Variants in NSD2 observed in about 807,000 individuals in gnomAD.
NSD2 encodes nuclear receptor binding SET domain protein 2.
In NSD2, 12 loss-of-function variants were observed where a neutral mutation model predicts 139.0. The ratio of observed to expected loss-of-function variants is 0.09; its 90% CI spans 0.06 to 0.14. The LOEUF is 0.14. Ranked by LOEUF, NSD2 falls within the 10% of genes least tolerant of loss-of-function variation. NSD2 has a pLI of 1.00. For synonymous variants in NSD2, 669 were observed against 648.7 expected, an observed-to-expected ratio of 1.03 and a Z score of -0.48; for missense variants, 1,155 against 1,745.0, an observed-to-expected ratio of 0.66 and a Z score of 6.02.
At position 1,976,764 on chromosome 4, in the gene NSD2, C is replaced by A. The variant is rs569851245; in HGVS notation, c.3826+85C>A. ...GGCTGCTGCCGCTCTTCCTGCTGAC[C>A]GGGCCTCATCTGGGTGCAGGCACAT... On this transcript the variant is annotated intron_variant, in intron 21 of 21. Coordinates refer to ENST00000508803, the MANE Select transcript of NSD2 (RefSeq NM_001042424.3). This position sits in a 1 kb window ranked among gnomAD's most constrained non-coding sequence, Gnocchi z 5.3. 11 of 1,412,626 alleles carry A rather than the reference C, an allele frequency of 7.8e-6. No homozygotes were observed. Among genetic ancestry groups the A allele is most frequent in the Non-Finnish European group, 1.0e-5 (11 of 1,052,452 alleles). The allele number at this position is 1,412,626 out of a possible 1,614,324, so 87.5% of individuals were successfully genotyped here.
At chr4:1,929,790 G>A (rs1369841131) in intron 5 of NSD2, among the ~76,000 whole-genome samples, 1 of 152,116 alleles carries the variant, frequency 6.6e-6, no homozygotes, top group Admixed American at 6.5e-5. Flanking sequence ...CGTGGCTCTC[G>A]GACTTGGGGA....
chr4:1,955,976 A>G lies in NSD2; in HGVS notation c.2676-7A>G, dbSNP rs1182589091. On this transcript the variant is annotated splice_region_variant and splice_polypyrimidine_tract_variant and intron_variant, in intron 14 of 21. Transcript: ENST00000508803. This position sits in a 1 kb window ranked among gnomAD's most constrained non-coding sequence, Gnocchi z 4.7. ...TCTGTGAATCCTGTTTTTAATATTT[A>G]TAATAGATGGTGGCCGGCAGAAGTT... The G allele has an allele frequency of 2.5e-6, 4 of 1,613,910 alleles. No individual in the cohort carries two copies. The highest frequency in any genetic ancestry group is 1.1e-5 in the South Asian group (1 of 91,078).
At chr4:1,922,709 G>A (rs984347186) in intron 5 of NSD2, among the ~76,000 whole-genome samples, 2 of 151,868 alleles carry the variant, frequency 1.3e-5, no homozygotes, top group East Asian at 1.9e-4. Flanking sequence ...GCGGATCACC[G>A]GAGGTCAGGA....
In NSD2 at chr4:1,976,440, C is replaced by A; in HGVS notation, c.3622-35C>A. On this transcript the variant is annotated intron_variant, in intron 20 of 21. Coordinates refer to ENST00000508803, the MANE Select transcript of NSD2 (RefSeq NM_001042424.3). The surrounding 1 kb of genome is among the most constrained non-coding windows in gnomAD (Gnocchi z 5.3). ...CCTATTTGCTTCAGCCTGTGTAATT[C>A]TTTCCGGTGATCTGTGCTTAATTCT... The A allele has an allele frequency of 6.2e-7, 1 of 1,600,790 alleles. No homozygotes were observed. The highest frequency in any genetic ancestry group is 1.1e-5 in the South Asian group (1 of 88,834).
intron 1 of NSD2, among the ~76,000 whole-genome samples, chr4:1,879,255 G>A (rs1393929252): frequency 6.6e-6 from 1 of 152,016 alleles, no homozygotes; most frequent in Non-Finnish European, 1.5e-5. Context: ...GTCTCGCTCT[G>A]TCACCCAGGC....
Position 1,948,532 on chromosome 4 carries a change from T to C in NSD2, c.1882-2540T>C. The C allele has an allele frequency of 9.4e-7, 1 of 1,064,660 alleles. No individual in the cohort carries two copies. Among genetic ancestry groups the C allele is most frequent in the Middle Eastern group, 4.2e-4 (1 of 2,390 alleles). The allele number at this position is 1,064,660 out of a possible 1,614,324, so 66.0% of individuals were successfully genotyped here. ...TGGATCCTCCCCGACTGTGGCTAGT[T>C]GTCTGTCCGGTGGCTGGGAGGGGGT... On this transcript the variant is annotated intron_variant, in intron 9 of 21. Transcript: ENST00000508803. The surrounding 1 kb of genome is among the most constrained non-coding windows in gnomAD (Gnocchi z 4.5).
rs1727587637 is a variant in NSD2, at chr4:1,979,916, C to T, written c.*1007C>T. 1 of 232,782 alleles carries T rather than the reference C, an allele frequency of 4.3e-6. No individual in the cohort carries two copies. 14.4% of individuals were successfully genotyped at this position (232,782 alleles called of 1,614,324 possible). The stretch of plus-strand genomic sequence containing the variant: ...ACAGGAAGTGACAACTTAGGGAGCC[C>T]CGTAGGGCGCTGCAGGCCCCGGGGA... On this transcript the variant is annotated 3_prime_UTR_variant, in exon 22 of 22. Coordinates refer to ENST00000508803, the MANE Select transcript of NSD2 (RefSeq NM_001042424.3).
At chr4:1,920,601 C>T (rs1719990251) in intron 5 of NSD2, among the ~76,000 whole-genome samples, 1 of 152,044 alleles carries the variant, frequency 6.6e-6, no homozygotes, top group East Asian at 1.9e-4. Context: ...TTGGTACGTG[C>T]ATTAAAGTTC....
chr4:1,878,226 GATATATAT>G lies in NSD2; in HGVS notation c.-30+6703_-30+6710del, dbSNP rs1164167293. Among the ~76,000 whole-genome samples the G allele has an allele frequency of 3.2e-3, 83 of 26,058 alleles. 1 individual carries two copies. Among genetic ancestry groups the G allele is most frequent in the Non-Finnish European group, 4.1e-3 (64 of 15,588 alleles). 17.1% of individuals were successfully genotyped at this position (26,058 alleles called of 152,430 possible). On this transcript the variant is annotated intron_variant, in intron 1 of 21. Transcript: ENST00000508803. ...CGGGTGTGTGCCACCATGCCCGGCT[GATATATAT>G]ATATATATATATATATATTTTTTTT...
chr4:1,942,885 C>T lies in NSD2; in HGVS notation c.1881+3107C>T. ...TATATTCAGTATTGTAGATACTACA[C>T]TAATTTCCAACATAAGAGGCAGGAA... is the stretch of plus-strand genomic sequence containing the variant. On this transcript the variant is annotated intron_variant, in intron 9 of 21. Coordinates refer to ENST00000508803, the MANE Select transcript of NSD2 (RefSeq NM_001042424.3). The surrounding 1 kb of genome is among the most constrained non-coding windows in gnomAD (Gnocchi z 4.0). The T allele has an allele frequency of 9.4e-7, 1 of 1,060,236 alleles. No individual in the cohort carries two copies. The highest frequency in any genetic ancestry group is 1.1e-6 in the Non-Finnish European group (1 of 876,214). 65.7% of individuals were successfully genotyped at this position (1,060,236 alleles called of 1,614,324 possible).
At chr4:1,896,796 TTC>T (rs1716396855) in intron 1 of NSD2, among the ~76,000 whole-genome samples, 1 of 151,876 alleles carries the variant, frequency 6.6e-6, no homozygotes, top group South Asian at 2.1e-4. Context: ...TTTTCTTTCT[TTC>T]TCTCTCATTC....
At chr4:1,925,985 T>C (rs977515466) in intron 5 of NSD2, among the ~76,000 whole-genome samples, 2 of 151,476 alleles carry the variant, frequency 1.3e-5, no homozygotes, top group Non-Finnish European at 2.9e-5. Flanking sequence ...CTATTTTTTA[T>C]AGGGATGAGG....
chr4:1,919,242 G>T (rs1719813711), intron 5 of NSD2: 1 of 152,042 alleles, frequency 6.6e-6, no homozygotes, highest in South Asian at 2.1e-4. Context: ...GAAGCGTGTG[G>T]TCATGTCCTT....
At chr4:1,966,851 T>C (rs1725943443) in intron 18 of NSD2, among the ~76,000 whole-genome samples, 1 of 152,186 alleles carries the variant, frequency 6.6e-6, no homozygotes, top group Non-Finnish European at 1.5e-5. Context: ...TTTTGTGATA[T>C]GAGCAACTGA....
chr4:1,871,835 G>T (rs1713795310), intron 1 of NSD2, among the ~76,000 whole-genome samples: 1 of 149,080 alleles, frequency 6.7e-6, no homozygotes, highest in African/African-American at 2.4e-5. Flanking sequence ...CCGGGCAGGG[G>T]AGGGGCGGCG....
intron 3 of NSD2, among the ~76,000 whole-genome samples, chr4:1,906,488 C>T (rs1444228876): frequency 6.6e-6 from 1 of 151,808 alleles, no homozygotes; most frequent in Non-Finnish European, 1.5e-5. Flanking sequence ...GATCCGCTTG[C>T]CTCGGCCTCC....
At chr4:1,923,359 C>T (rs1720420533) in intron 5 of NSD2, among the ~76,000 whole-genome samples, 1 of 151,474 alleles carries the variant, frequency 6.6e-6, no homozygotes, top group African/African-American at 2.4e-5. Context: ...TCAAGGACAC[C>T]ATCGACACAG....
At chr4:1,883,412 A>G (rs1714847632) in intron 1 of NSD2, among the ~76,000 whole-genome samples, 1 of 151,748 alleles carries the variant, frequency 6.6e-6, no homozygotes, top group South Asian at 2.1e-4. Flanking sequence ...CAAGCAGATC[A>G]CTTGAGGCCA....
At chr4:1,944,355 T>A in intron 9 of NSD2, 5 of 1,066,182 alleles carry the variant, frequency 4.7e-6, no homozygotes, top group Non-Finnish European at 5.7e-6. Context: ...ATGCTGCTAA[T>A]TTAACGTGGA....
Sources: allele counts gnomAD v4.1 joint callset (sites outside exome capture counted in the v4.1 genomes callset), GRCh38; gene constraint gnomAD v4.1.1; non-coding constraint Gnocchi (gnomAD v3.1); transcripts MANE v1.5; gene names NCBI Gene and HGNC (gene_info 2026-07-23, HGNC 2026-07-21).